The following GABRB1 variants were observed in gnomAD, a reference collection of about 807,000 sequenced individuals.
GABRB1 encodes gamma-aminobutyric acid type A receptor subunit beta1.
GABRB1 carries 17 observed loss-of-function variants against 51.6 expected under a neutral mutation model. The ratio of observed to expected loss-of-function variants is 0.33; its 90% CI spans 0.23 to 0.49. The LOEUF is 0.49. GABRB1 is among the 20% of genes least tolerant of loss of function. The probability of loss-of-function intolerance (pLI) is 0.99; values close to 1 mark genes in which losing one functional copy is unlikely to be tolerated. For synonymous variants in GABRB1, 247 were observed against 218.9 expected, an observed-to-expected ratio of 1.13 and a Z score of -1.14; for missense variants, 410 against 600.6, an observed-to-expected ratio of 0.68 and a Z score of 3.32.
At chr4:47,154,636 G>C (rs545526031) in intron 3 of GABRB1, among the ~76,000 whole-genome samples, 1 of 152,068 alleles carries the variant, frequency 6.6e-6, no homozygotes, top group East Asian at 1.9e-4. Flanking sequence ...TTTCTGGTTG[G>C]AGGCAATAAA....
intron 4 of GABRB1, among the ~76,000 whole-genome samples, chr4:47,249,272 A>G (rs1167989780): frequency 6.6e-6 from 1 of 152,088 alleles, no homozygotes; most frequent in Admixed American, 6.5e-5. Context: ...TGATCCAGTG[A>G]TCATTCAGAA....
intron 3 of GABRB1, among the ~76,000 whole-genome samples, chr4:47,084,426 A>G (rs964895937): frequency 1.3e-5 from 2 of 152,188 alleles, no homozygotes; most frequent in African/African-American, 4.8e-5. Context: ...TCAAAAATAT[A>G]TACCAAATAA....
At chr4:47,055,087 A>G (rs934465665) in intron 3 of GABRB1, among the ~76,000 whole-genome samples, 8 of 152,172 alleles carry the variant, frequency 5.3e-5, no homozygotes, top group African/African-American at 1.9e-4. Context: ...AGATGATCTC[A>G]TATATATTCA....
intron 4 of GABRB1, among the ~76,000 whole-genome samples, chr4:47,212,258 C>T (rs1449518605): frequency 1.3e-5 from 2 of 152,186 alleles, no homozygotes; most frequent in Admixed American, 1.3e-4. Context: ...GCCTGGGTCT[C>T]CCATTGGCCA....
At chr4:47,366,030 G>T (rs1726968829) in intron 5 of GABRB1, among the ~76,000 whole-genome samples, 1 of 152,154 alleles carries the variant, frequency 6.6e-6, no homozygotes, top group Admixed American at 6.5e-5. Flanking sequence ...GACCCTGATT[G>T]ACACAGTAGG....
At chr4:47,418,289 G>A (rs1018045821) in intron 8 of GABRB1, among the ~76,000 whole-genome samples, 1 of 152,168 alleles carries the variant, frequency 6.6e-6, no homozygotes, top group Admixed American at 6.5e-5. Flanking sequence ...AATCTGTCAG[G>A]CAGGTTGAAG....
intron 4 of GABRB1, among the ~76,000 whole-genome samples, chr4:47,164,377 T>C (rs191325014): frequency 5.9e-5 from 9 of 152,242 alleles, no homozygotes; most frequent in Middle Eastern, 3.4e-3. Context: ...AAAGAATATC[T>C]GTTGTCACCT....
At chr4:47,157,064 A>G (rs1402771613) in intron 3 of GABRB1, among the ~76,000 whole-genome samples, 1 of 152,094 alleles carries the variant, frequency 6.6e-6, no homozygotes, top group East Asian at 1.9e-4. Context: ...AATGAGTCAA[A>G]TTCTGTCATG....
rs974941416 is a variant in GABRB1 at position 47,161,125 on chromosome 4, C to T, written c.241-124C>T. 61 of 663,122 alleles carry T rather than the reference C, an allele frequency of 9.2e-5. No individual in the cohort carries two copies. The African/African-American group carries it at 1.0e-3, about 11-fold the overall frequency. 41.1% of individuals were successfully genotyped at this position (663,122 alleles called of 1,614,324 possible). A position where few individuals can be genotyped will look rare whatever the true frequency, so the allele number is the denominator to read the frequency against. ...CTTTTAACCTATTGGTTACCTTATA[C>T]CTCTAGGTGCAAATTTTAATATATT... On this transcript the variant is annotated intron_variant, in intron 3 of 8. Transcript: ENST00000295454.
chr4:47,252,762 A>G lies in GABRB1; in HGVS notation c.462-67365A>G, dbSNP rs147532189. On this transcript the variant is annotated intron_variant, in intron 4 of 8. Transcript: ENST00000295454. ...ATCTCAAGTGATCCACCCAAAGTGGAGGATCTCAGCCTCCTAAAGTGCTGG... is the reference window on the plus strand; with the variant it reads ...ATCTCAAGTGATCCACCCAAAGTGGGGGATCTCAGCCTCCTAAAGTGCTGG... 3.3e-5 allele frequency among the ~76,000 whole-genome samples: 5 copies of G among 152,080 alleles called. No individual in the cohort carries two copies. In the East Asian group the frequency reaches 9.7e-4, roughly 29 times the overall value.
chr4:47,189,352 C>T (rs1719332239), intron 4 of GABRB1, among the ~76,000 whole-genome samples: 1 of 151,838 alleles, frequency 6.6e-6, no homozygotes, highest in Non-Finnish European at 1.5e-5. Context: ...AGGTGAATAA[C>T]TGTTTCAGAA....
chr4:47,206,184 A>G (rs2109803831), intron 4 of GABRB1, among the ~76,000 whole-genome samples: 1 of 152,160 alleles, frequency 6.6e-6, no homozygotes, highest in African/African-American at 2.4e-5. Context: ...ATAGTTATGA[A>G]AGAATGATTA....
intron 1 of GABRB1, among the ~76,000 whole-genome samples, chr4:47,004,070 C>T (rs918617847): frequency 6.6e-6 from 1 of 151,972 alleles, no homozygotes; most frequent in Non-Finnish European, 1.5e-5. Context: ...GCTCATGCAA[C>T]CGCCACCTCC....
chr4:47,077,484 G>GCT (rs55858007), intron 3 of GABRB1, among the ~76,000 whole-genome samples: 16 of 152,128 alleles, frequency 1.1e-4, no homozygotes, highest in Non-Finnish European at 2.4e-4. Flanking sequence ...TCTGTCTTAT[G>GCT]CTCCTTAAAT....
At chr4:47,141,593 T>G (rs1207286599) in intron 3 of GABRB1, among the ~76,000 whole-genome samples, 1 of 151,964 alleles carries the variant, frequency 6.6e-6, no homozygotes, top group Non-Finnish European at 1.5e-5. Flanking sequence ...CTTGACTCAT[T>G]CACATACCTG....
chr4:47,070,848 T>C (rs1727305293), intron 3 of GABRB1, among the ~76,000 whole-genome samples: 1 of 152,180 alleles, frequency 6.6e-6, no homozygotes, highest in Non-Finnish European at 1.5e-5. Flanking sequence ...TGGCTTTAAA[T>C]ACCAACTTCA....
chr4:47,004,426 T>C (rs1305356563), intron 1 of GABRB1, among the ~76,000 whole-genome samples: 1 of 152,246 alleles, frequency 6.6e-6, no homozygotes, highest in Admixed American at 6.5e-5. Context: ...TCATTATTAA[T>C]ACCTTTTATT....
intron 3 of GABRB1, among the ~76,000 whole-genome samples, chr4:47,090,919 T>A (rs6818828): frequency 0.25 from 37,578 of 152,162 alleles, 5,839 homozygotes; most frequent in Middle Eastern, 0.41. Context: ...TTCCATACAA[T>A]GTCCATCATC....
At chr4:47,162,422 T>C (rs907180896) in intron 4 of GABRB1, among the ~76,000 whole-genome samples, 5 of 151,862 alleles carry the variant, frequency 3.3e-5, no homozygotes, top group African/African-American at 7.3e-5. Context: ...GTCAAGAATA[T>C]ATAAAAAGTT....
Sources: gnomAD v4.1 joint callset for allele counts (sites outside exome capture counted in the v4.1 genomes callset) on GRCh38, gnomAD v4.1.1 for gene constraint, MANE v1.5 for transcripts, NCBI Gene and HGNC (gene_info 2026-07-23, HGNC 2026-07-21) for gene names.